The following MYH14 variants were observed in gnomAD, a reference collection of about 807,000 sequenced individuals.
The protein encoded by MYH14 is myosin-14.
In MYH14, 123 loss-of-function variants were observed where a neutral mutation model predicts 255.5. The observed-to-expected ratio is 0.48, with a 90% CI of 0.42 to 0.56. The LOEUF (loss-of-function observed/expected upper bound fraction) is 0.56. MYH14 is among the 20% of genes least tolerant of loss of function. The pLI, the probability that MYH14 is intolerant of heterozygous loss-of-function variation, is 0.00. For missense variants in MYH14, 2,423 were observed against 2,802.3 expected, an observed-to-expected ratio of 0.86 and a Z score of 3.06; for synonymous variants, 1,095 against 1,161.2, an observed-to-expected ratio of 0.94 and a Z score of 1.16.
chr19:50,307,437 C>A (rs2036690833), intron 41 of MYH14, among the ~76,000 whole-genome samples: 1 of 152,170 alleles, frequency 6.6e-6, no homozygotes, highest in African/African-American at 2.4e-5. Flanking sequence ...GAAGCTAGAC[C>A]AGGACTAGCT....
rs2032131664 is a variant in MYH14 at position 50,210,572 on chromosome 19, G to A, written c.207G>A (p.Ala69=). Residue 69 remains alanine, a synonymous_variant, in exon 2 of 43, where the codon GCG becomes GCA. Coordinates refer to ENST00000642316, the MANE Select transcript of MYH14 (RefSeq NM_001145809.2). The part of the protein sequence containing the change: ...PSELHGFEAA[A]LRDEGEEEAE... ...AGCTTCACGGGTTCGAGGCGGCGGC[G>A]CTGCGGGACGAAGGCGAGGAGGAGG... 2.5e-6 allele frequency: 4 copies of A among 1,578,432 alleles called. No homozygotes were observed. Among genetic ancestry groups the A allele is most frequent in the Non-Finnish European group, 3.4e-6 (4 of 1,163,256 alleles).
In MYH14 at chr19:50,263,418, A is replaced by C. The variant is rs540204869; in HGVS notation, c.2692A>C (p.Lys898Gln). 29 of 1,594,744 alleles carry C rather than the reference A, an allele frequency of 1.8e-5. No homozygotes were observed. In the East Asian group the frequency reaches 6.6e-4, roughly 36 times the overall value. ...RHWQWWRLFTKVKPLLQVTRQ... is the reference protein window; with the variant it reads ...RHWQWWRLFTQVKPLLQVTRQ... ...CTGGCAGTGGTGGCGGCTGTTTACCAAGGTGAGGGCAGCCTGGGGAGGTGG... is the reference window on the plus strand; with the variant it reads ...CTGGCAGTGGTGGCGGCTGTTTACCCAGGTGAGGGCAGCCTGGGGAGGTGG... The change falls in exon 22 of 43, where the codon AAG becomes CAG. Residue 898 changes from lysine (K) to glutamine (Q), a missense_variant and splice_region_variant. By Grantham distance (53) the Lys-to-Gln change is moderately conservative. Coordinates refer to ENST00000642316, the MANE Select transcript of MYH14 (RefSeq NM_001145809.2).
Position 50,250,388 on chromosome 19 carries a change from A to C in MYH14, c.1657-127A>C. The C allele has an allele frequency of 5.2e-6, 5 of 958,998 alleles. No individual in the cohort carries two copies. The highest frequency in any genetic ancestry group is 8.0e-6 in the Non-Finnish European group (5 of 628,360). The allele number at this position is 958,998 out of a possible 1,614,324, so 59.4% of individuals were successfully genotyped here. On this transcript the variant is annotated intron_variant, in intron 14 of 42. Transcript: ENST00000642316. The surrounding 1 kb of genome is among the most constrained non-coding windows in gnomAD (Gnocchi z 5.4). The stretch of plus-strand genomic sequence containing the variant: ...AGTGCTGGGATTACAGGCGTGAGCC[A>C]CCGTGCCTGGCATCTCACGTTTGTT...
chr19:50,298,518 C>T (rs2036362024), intron 39 of MYH14, among the ~76,000 whole-genome samples: 1 of 152,064 alleles, frequency 6.6e-6, no homozygotes, highest in African/African-American at 2.4e-5. Flanking sequence ...GTAATCCCAG[C>T]ACTCTGGGAG....
chr19:50,277,848 C>T (rs987577204), intron 29 of MYH14, among the ~76,000 whole-genome samples: 8 of 150,750 alleles, frequency 5.3e-5, no homozygotes, highest in African/African-American at 1.5e-4. Context: ...ACCTGGGAGG[C>T]GGAGGTTGCA....
intron 18 of MYH14, among the ~76,000 whole-genome samples, chr19:50,257,824 G>T (rs1284512110): frequency 1.3e-5 from 2 of 152,164 alleles, no homozygotes; most frequent in Admixed American, 1.3e-4. Context: ...AATCTGTAGG[G>T]GTGGTGAGTA....
intron 1 of MYH14, among the ~76,000 whole-genome samples, chr19:50,209,601 A>G (rs10410604): frequency 0.095 from 14,334 of 151,524 alleles, 1,255 homozygotes; most frequent in African/African-American, 0.24. Flanking sequence ...TGGATAACAC[A>G]GTGAAACGCT....
intron 13 of MYH14, 164 bp downstream of exon 13, chr19:50,249,303 C>G: frequency 1.2e-6 from 1 of 841,632 alleles, no homozygotes; most frequent in South Asian, 1.9e-5. Flanking sequence ...CTCTGGGTCT[C>G]TGTCCCCTGT....
rs567964894 is a variant in MYH14 at position 50,225,113 on chromosome 19, G to GT, written c.718-471dup. Among the ~76,000 whole-genome samples the GT allele has an allele frequency of 1.1e-4, 16 of 152,272 alleles. 1 individual carries two copies. In the South Asian group the frequency reaches 3.1e-3, roughly 30 times the overall value. On this transcript the variant is annotated intron_variant, in intron 6 of 42. Transcript: ENST00000642316. ...AGCAACACATGAGTACATATTCATT[G>GT]TAACAACAACAAATCAGATGAAATG...
chr19:50,216,516 A>G (rs1600865547), intron 2 of MYH14, among the ~76,000 whole-genome samples: 1 of 151,554 alleles, frequency 6.6e-6, no homozygotes, highest in Non-Finnish European at 1.5e-5. Context: ...AGGTGAGAGG[A>G]TTGCTTTAGT....
At chr19:50,272,266 C>T (rs2035331124) in intron 26 of MYH14, among the ~76,000 whole-genome samples, 1 of 152,030 alleles carries the variant, frequency 6.6e-6, no homozygotes, top group Admixed American at 6.5e-5. Flanking sequence ...GACTTAGAAT[C>T]AGAAACAGAA....
At chr19:50,264,764 G>A (rs1012023394) in intron 22 of MYH14, among the ~76,000 whole-genome samples, 4 of 152,148 alleles carry the variant, frequency 2.6e-5, no homozygotes, top group Non-Finnish European at 5.9e-5. Flanking sequence ...CATTGGCCCA[G>A]CTGGAGTCAT....
chr19:50,279,420 C>A (rs886139785), intron 30 of MYH14, among the ~76,000 whole-genome samples: 1 of 152,158 alleles, frequency 6.6e-6, no homozygotes, highest in Admixed American at 6.5e-5. Context: ...CACCTGAGGT[C>A]AGGAGTTCAA....
At chr19:50,301,488 A>T (rs1404143383) in intron 39 of MYH14, among the ~76,000 whole-genome samples, 173 bp from the exon 40 acceptor site, 2 of 152,228 alleles carry the variant, frequency 1.3e-5, no homozygotes, top group Non-Finnish European at 2.9e-5. Context: ...ACAAGTCAAT[A>T]AACTATTAAT....
chr19:50,303,452 C>T (rs2036559401), intron 40 of MYH14, among the ~76,000 whole-genome samples: 1 of 152,152 alleles, frequency 6.6e-6, no homozygotes, highest in Non-Finnish European at 1.5e-5. Flanking sequence ...GAGGCCTGCA[C>T]TTGGAACTGG....
rs371244397 is a variant in MYH14 at position 50,276,118 on chromosome 19, C to T, written c.3595C>T (p.Arg1199Cys). The T allele has an allele frequency of 4.1e-5, 65 of 1,599,906 alleles. No homozygotes were observed. The highest frequency in any genetic ancestry group is 4.9e-5 in the Non-Finnish European group (57 of 1,174,356). The change falls in exon 28 of 43, where the codon CGC becomes TGC. Residue 1199 changes from arginine to cysteine, a missense_variant. By Grantham distance (180) the Arg-to-Cys change is radical. Around this residue, in one of 3 missense-constraint regions of MYH14, gnomAD observed 1,513 missense variants for 1,674.8 expected, o/e 0.90. Coordinates refer to ENST00000642316, the MANE Select transcript of MYH14 (RefSeq NM_001145809.2). The surrounding 1 kb of genome is among the most constrained non-coding windows in gnomAD (Gnocchi z 4.3). ...GGCCAGGACCAAGGCGGAGAAGCAG[C>T]GCCGGGACCTGGGCGAGGAGCTGGA... ...RVARTKAEKQ[R>C]RDLGEELEAL...
intron 30 of MYH14, among the ~76,000 whole-genome samples, chr19:50,278,830 AAC>A (rs1491350463): frequency 3.2e-4 from 44 of 139,096 alleles, no homozygotes; most frequent in African/African-American, 1.1e-3. Context: ...AAAAAAAAAA[AAC>A]ACAAAATTAG....
At chr19:50,271,799 C>G in intron 25 of MYH14, 50 bp from the exon 26 acceptor site, 1 of 1,609,112 alleles carries the variant, frequency 6.2e-7, no homozygotes, top group Middle Eastern at 2.1e-4. Context: ...GTAAGGGCTG[C>G]TCCTGGCCCA....
In MYH14 at chr19:50,280,418, C is replaced by G; in HGVS notation, c.4290+35C>G. 6.7e-7 allele frequency: 1 copy of G among 1,486,956 alleles called. No homozygotes were observed. Among genetic ancestry groups the G allele is most frequent in the Non-Finnish European group, 9.0e-7 (1 of 1,111,786 alleles). 92.1% of individuals were successfully genotyped at this position (1,486,956 alleles called of 1,614,324 possible). A position where few individuals can be genotyped will look rare whatever the true frequency, so the allele number is the denominator to read the frequency against. On this transcript the variant is annotated intron_variant, in intron 32 of 42. Transcript: ENST00000642316. This position sits in a 1 kb window ranked among gnomAD's most constrained non-coding sequence, Gnocchi z 4.8. ...CCTACGTAAGACCTTCAGGGAGGCA[C>G]AGCCCCCCTCACTGCTCCTCCTGGG...
Sources: gnomAD v4.1 joint callset for allele counts (sites outside exome capture counted in the v4.1 genomes callset) on GRCh38, gnomAD v4.1.1 for gene constraint, gnomAD v4.1.1 regional missense constraint, Gnocchi (gnomAD v3.1) non-coding constraint, MANE v1.5 for transcripts, NCBI Gene and HGNC (gene_info 2026-07-23, HGNC 2026-07-21) for gene names.